Variants in RBCK1 observed in about 807,000 individuals in gnomAD.
The protein encoded by RBCK1 is RANBP2-type and C3HC4-type zinc finger containing 1, also known as ranBP-type and C3HC4-type zinc finger-containing protein 1.
In RBCK1, 44 loss-of-function variants were observed where a neutral mutation model predicts 71.1. That is an observed-to-expected ratio of 0.62 (90% CI 0.49 to 0.80). The LOEUF (loss-of-function observed/expected upper bound fraction) is 0.80, where lower values mean the gene tolerates loss of function less well. RBCK1 is among the 30% of genes least tolerant of loss of function. The probability of loss-of-function intolerance (pLI) is 0.00; values close to 1 mark genes in which losing one functional copy is unlikely to be tolerated. For synonymous variants in RBCK1, 306 were observed against 279.7 expected, an observed-to-expected ratio of 1.09 and a Z score of -0.94; for missense variants, 569 against 685.0, an observed-to-expected ratio of 0.83 and a Z score of 1.89.
chr20:419,720 C>G lies in RBCK1; in HGVS notation c.745C>G (p.Gln249Glu). Residue 249 changes from glutamine to glutamate, a missense_variant, in exon 6 of 12, where the codon CAG becomes GAG. Transcript: ENST00000356286. ...RLAGEEEALRQYQQRKQQQQE... is the reference protein window; with the variant it reads ...RLAGEEEALREYQQRKQQQQE... ...GGCGGGCGAGGAGGAGGCGCTGCGTCAGTACCAGCAGGTGGGCGGGAAAGT... is the reference window on the plus strand; with the variant it reads ...GGCGGGCGAGGAGGAGGCGCTGCGTGAGTACCAGCAGGTGGGCGGGAAAGT... 1 of 1,559,080 alleles carries G rather than the reference C, an allele frequency of 6.4e-7. No homozygotes were observed. Among genetic ancestry groups the G allele is most frequent in the East Asian group, 2.4e-5 (1 of 42,162 alleles).
chr20:410,632 C>A, intron 2 of RBCK1: 1 of 758,638 alleles, frequency 1.3e-6, no homozygotes, highest in Non-Finnish European at 2.5e-6. Context: ...TTCAGGGGTT[C>A]GCTTGGTAAG....
chr20:420,858 C>A lies in RBCK1; in HGVS notation c.757-13C>A. On this transcript the variant is annotated splice_polypyrimidine_tract_variant and intron_variant, in intron 6 of 11. Transcript: ENST00000356286. ...GCCCTGACCCGCCCCGTGGCCCCGCCCCGTGTGCCCAGCGGAAGCAGCAGC... is the reference window on the plus strand; with the variant it reads ...GCCCTGACCCGCCCCGTGGCCCCGCACCGTGTGCCCAGCGGAAGCAGCAGC... The A allele has an allele frequency of 6.5e-7, 1 of 1,547,944 alleles. No individual in the cohort carries two copies. Among genetic ancestry groups the A allele is most frequent in the African/African-American group, 1.4e-5 (1 of 71,842 alleles).
intron 9 of RBCK1, 27 bp downstream of exon 9, chr20:427,519 C>T: frequency 6.2e-7 from 1 of 1,609,998 alleles, no homozygotes; most frequent in African/African-American, 1.3e-5. Context: ...CTCCCCCCAC[C>T]TAGTCACTGT....
At chr20:418,847 C>A (rs976854760) in intron 4 of RBCK1, among the ~76,000 whole-genome samples, 1 of 152,224 alleles carries the variant, frequency 6.6e-6, no homozygotes, top group East Asian at 1.9e-4. Flanking sequence ...AGGAAACTAA[C>A]GCTGATACAG....
At chr20:427,515 C>T in intron 9 of RBCK1, 23 bp downstream of exon 9, 1 of 1,610,476 alleles carries the variant, frequency 6.2e-7, no homozygotes, top group Non-Finnish European at 8.5e-7. Context: ...GGGACTCCCC[C>T]CACCTAGTCA....
intron 8 of RBCK1, among the ~76,000 whole-genome samples, chr20:426,798 CTTTTTACTTTT>C (rs1405416430): frequency 1.2e-5 from 1 of 86,762 alleles, no homozygotes; most frequent in Non-Finnish European, 2.7e-5. Flanking sequence ...CTTTCACTTT[CTTTTTACTTTT>C]CTTTTCCTTT....
chr20:429,333 TCTC>T (rs1432293166), intron 11 of RBCK1, among the ~76,000 whole-genome samples: 1 of 151,996 alleles, frequency 6.6e-6, no homozygotes, highest in Admixed American at 6.6e-5. Flanking sequence ...TTCAAGCAAT[TCTC>T]CTGCCTCAGC....
intron 2 of RBCK1, among the ~76,000 whole-genome samples, chr20:414,342 G>A (rs2015876129): frequency 6.6e-6 from 1 of 152,196 alleles, no homozygotes; most frequent in Non-Finnish European, 1.5e-5. Context: ...ACCCTGGGTG[G>A]TTGAGGTTGC....
chr20:410,263 AT>A, intron 2 of RBCK1: 1 of 643,254 alleles, frequency 1.6e-6, no homozygotes. Context: ...GGTGTACTGT[AT>A]TAGGATGTTA....
At chr20:427,195 G>C (rs2016772468) in intron 8 of RBCK1, 118 bp from the exon 9 acceptor site, 1 of 930,512 alleles carries the variant, frequency 1.1e-6, no homozygotes, top group Middle Eastern at 2.3e-4. Context: ...ATGAAGAAAA[G>C]AGCCTGGGGC....
intron 2 of RBCK1, among the ~76,000 whole-genome samples, chr20:412,493 A>C (rs2015767684): frequency 6.6e-6 from 1 of 151,890 alleles, no homozygotes; most frequent in Non-Finnish European, 1.5e-5. Context: ...TAATTTTTGT[A>C]TTTTTAGTAG....
At position 410,732 on chromosome 20, in the gene RBCK1, G is replaced by A. The variant is rs1600273297; in HGVS notation, c.167+707G>A. The A allele has an allele frequency of 5.3e-6, 3 of 567,804 alleles. No homozygotes were observed. In the African/African-American group the frequency reaches 5.7e-5, roughly 11 times the overall value. 35.2% of individuals were successfully genotyped at this position (567,804 alleles called of 1,614,324 possible). ...CTTTGCACAATGCCTGGCGTGTTAT[G>A]CACTCAATAATAAACATTAGTGTCT... On this transcript the variant is annotated intron_variant, in intron 2 of 11. Coordinates refer to ENST00000356286, the MANE Select transcript of RBCK1 (RefSeq NM_031229.4).
Position 417,337 on chromosome 20 carries a change from T to G in RBCK1, c.168-189T>G, listed in dbSNP as rs1183513730. 1 of 734,928 alleles carries G rather than the reference T, an allele frequency of 1.4e-6. No homozygotes were observed. Among genetic ancestry groups the G allele is most frequent in the Admixed American group, 1.9e-5 (1 of 53,510 alleles). 45.5% of individuals were successfully genotyped at this position (734,928 alleles called of 1,614,324 possible). On this transcript the variant is annotated intron_variant, in intron 2 of 11. Transcript: ENST00000356286. This position sits in a 1 kb window ranked among gnomAD's most constrained non-coding sequence, Gnocchi z 4.7. ...GTAGCGTGGAGCCATTGGAGGGGCC[T>G]AACTGGTGGGTTCTAATAAAGGAAG...
At chr20:418,609 C>T (rs962342392) in intron 4 of RBCK1, among the ~76,000 whole-genome samples, 18 of 151,540 alleles carry the variant, frequency 1.2e-4, no homozygotes, top group Admixed American at 3.3e-4. Flanking sequence ...ACTTTGTGAT[C>T]CGCCCGCCTC....
chr20:410,609 T>C (rs764486461), intron 2 of RBCK1: 6 of 773,376 alleles, frequency 7.8e-6, no homozygotes, highest in Admixed American at 5.1e-5. Flanking sequence ...ATAGCCAAGA[T>C]ATTCAGCTAG....
chr20:415,267 C>A (rs1217578270), intron 2 of RBCK1, among the ~76,000 whole-genome samples: 1 of 152,052 alleles, frequency 6.6e-6, no homozygotes, highest in Non-Finnish European at 1.5e-5. Flanking sequence ...ACCCAGGAGG[C>A]TGAGGTGGGA....
In RBCK1 at chr20:430,125, G is replaced by A. The variant is rs1007439826; in HGVS notation, c.1453-225G>A. Among the ~76,000 whole-genome samples the A allele has an allele frequency of 1.3e-5, 2 of 152,210 alleles. No homozygotes were observed. Among genetic ancestry groups the A allele is most frequent in the African/African-American group, 2.4e-5 (1 of 41,448 alleles). On this transcript the variant is annotated intron_variant, in intron 11 of 11. Coordinates refer to ENST00000356286, the MANE Select transcript of RBCK1 (RefSeq NM_031229.4). The surrounding 1 kb of genome is among the most constrained non-coding windows in gnomAD (Gnocchi z 5.6). ...TGACATGTCTAGAATATGCAGAGTG[G>A]TCAGATCCTCTCCCTGGCCTGTTCC... is the stretch of plus-strand genomic sequence containing the variant.
At chr20:412,594 C>T (rs2015773539) in intron 2 of RBCK1, among the ~76,000 whole-genome samples, 1 of 152,220 alleles carries the variant, frequency 6.6e-6, no homozygotes, top group African/African-American at 2.4e-5. Context: ...GTTGGGATTA[C>T]AGGCATGAGC....
chr20:421,841 C>T (rs2016456757), intron 7 of RBCK1: 1 of 426,628 alleles, frequency 2.3e-6, no homozygotes. Flanking sequence ...CTGAGATAGA[C>T]TCTAGGGGCC....
Sources: gnomAD v4.1 joint callset for allele counts (sites outside exome capture counted in the v4.1 genomes callset) on GRCh38, gnomAD v4.1.1 for gene constraint, Gnocchi (gnomAD v3.1) non-coding constraint, MANE v1.5 for transcripts, NCBI Gene and HGNC (gene_info 2026-07-23, HGNC 2026-07-21) for gene names.